BORCS8: variants seen among roughly 807,000 people sequenced by gnomAD.
BORCS8 encodes BLOC-1 related complex subunit 8.
BORCS8 carries 13 observed loss-of-function variants against 18.7 expected under a neutral mutation model. The ratio of observed to expected loss-of-function variants is 0.70; its 90% confidence interval spans 0.45 to 1.11. The LOEUF (loss-of-function observed/expected upper bound fraction) is 1.11, where lower values mean the gene tolerates loss of function less well. Among genes scored for constraint, BORCS8 ranks in the 50% least tolerant of loss-of-function variants. BORCS8 has a pLI of 0.00. For synonymous variants in BORCS8, 68 were observed against 64.8 expected, an observed-to-expected ratio of 1.05 and a Z score of -0.24; for missense variants, 165 against 165.7, an observed-to-expected ratio of 1.00 and a Z score of 0.02.
chr19:19,187,060 C>G (rs2060416485), intron 1 of BORCS8, 55 bp from the exon 2 acceptor site: 1 of 1,375,882 alleles, frequency 7.3e-7, no homozygotes, highest in Admixed American at 2.1e-5. Context: ...CGTCAGCCTC[C>G]TCATTGCTCA....
intron 3 of BORCS8, among the ~76,000 whole-genome samples, chr19:19,184,214 G>A (rs796370501): frequency 2.6e-5 from 4 of 151,444 alleles, no homozygotes; most frequent in African/African-American, 9.7e-5. Flanking sequence ...AGTGTGCTTA[G>A]CCACCCATGG....
intron 1 of BORCS8, among the ~76,000 whole-genome samples, chr19:19,190,498 G>C (rs1402142180): frequency 1.3e-5 from 2 of 152,144 alleles, no homozygotes; most frequent in African/African-American, 4.8e-5. Flanking sequence ...CTTTGAATGT[G>C]AGCATAACGG....
chr19:19,181,991 G>C (rs1477657925), intron 4 of BORCS8: 2 of 985,316 alleles, frequency 2.0e-6, no homozygotes, highest in Non-Finnish European at 2.4e-6. Flanking sequence ...TTCGTTTTCA[G>C]ACCCCTGGTC....
chr19:19,183,441 A>G (rs2060370916), intron 3 of BORCS8, among the ~76,000 whole-genome samples: 6 of 151,696 alleles, frequency 4.0e-5, no homozygotes. Context: ...ATTTCACTAC[A>G]GACAAATGTT....
At chr19:19,186,207 A>C in intron 2 of BORCS8, 109 bp from the exon 3 acceptor site, 1 of 1,041,114 alleles carries the variant, frequency 9.6e-7, no homozygotes, top group Non-Finnish European at 1.4e-6. Flanking sequence ...GTGGAAGCAG[A>C]GACCTTTCCT....
rs532371796 is a variant in BORCS8 at position 19,182,196 on chromosome 19, G to C, written c.326+377C>G. ...CCACATGGAACTCCGTCTGCCCCCGGATCGTCTCTGTCTGCATGTAACTCA... is the reference window on the plus strand; with the variant it reads ...CCACATGGAACTCCGTCTGCCCCCGCATCGTCTCTGTCTGCATGTAACTCA... On this transcript the variant is annotated intron_variant, in intron 4 of 5. Coordinates refer to ENST00000462790, the MANE Select transcript of BORCS8 (RefSeq NM_001145784.2). This position sits in a 1 kb window ranked among gnomAD's most constrained non-coding sequence, Gnocchi z 4.1. The C allele has an allele frequency of 1.9e-4, 79 of 423,468 alleles. No individual in the cohort carries two copies. The highest frequency in any genetic ancestry group is 8.8e-4 in the Admixed American group (15 of 17,078). The allele number at this position is 423,468 out of a possible 1,614,324, so 26.2% of individuals were successfully genotyped here.
rs2060356798 is a variant in BORCS8, at chr19:19,182,276, CTT to C, written c.326+295_326+296del. ...TTCTTCACAGCGCATCTGACATGCT[CTT>C]GTCTGCCATGTTTACCTGGTTGTCG... On this transcript the variant is annotated intron_variant, in intron 4 of 5. Coordinates refer to ENST00000462790, the MANE Select transcript of BORCS8 (RefSeq NM_001145784.2). The surrounding 1 kb of genome is among the most constrained non-coding windows in gnomAD (Gnocchi z 4.1). The C allele has an allele frequency of 1.2e-5, 7 of 595,228 alleles. No individual in the cohort carries two copies. Among genetic ancestry groups the C allele is most frequent in the Admixed American group, 4.1e-5 (1 of 24,602 alleles). The allele number at this position is 595,228 out of a possible 1,614,324, so 36.9% of individuals were successfully genotyped here.
rs748324832 is a variant in BORCS8, at chr19:19,183,409, CA to C, written c.216-727del. Among the ~76,000 whole-genome samples the C allele has an allele frequency of 5.1e-3, 591 of 115,924 alleles. 4 individuals carry two copies. The highest frequency in any genetic ancestry group is 0.012 in the African/African-American group (384 of 31,460). 76.1% of individuals were successfully genotyped at this position (115,924 alleles called of 152,430 possible). A position where few individuals can be genotyped will look rare whatever the true frequency, so the allele number is the denominator to read the frequency against. On this transcript the variant is annotated intron_variant, in intron 3 of 5. Coordinates refer to ENST00000462790, the MANE Select transcript of BORCS8 (RefSeq NM_001145784.2). ...TGGGCGACAGAGCGAGACTCCGTCT[CA>C]AAAAAAAAAAAAAAATATACATTTC...
chr19:19,189,852 G>A (rs1406638883), intron 1 of BORCS8, among the ~76,000 whole-genome samples: 1 of 152,130 alleles, frequency 6.6e-6, no homozygotes, highest in African/African-American at 2.4e-5. Flanking sequence ...GACAAGTGGA[G>A]GCTGCAGTGA....
At chr19:19,181,157 T>C (rs1486204278) in intron 4 of BORCS8, among the ~76,000 whole-genome samples, 1 of 148,220 alleles carries the variant, frequency 6.7e-6, no homozygotes, top group African/African-American at 2.5e-5. Context: ...ATCGCACCAG[T>C]GCACTCTAGC....
intron 5 of BORCS8, 107 bp downstream of exon 5, chr19:19,180,579 G>GAGA (rs1389009890): frequency 2.0e-5 from 16 of 792,532 alleles, no homozygotes; most frequent in Non-Finnish European, 3.0e-5. Context: ...CAAGCCCAGT[G>GAGA]AGAAACCCCA....
chr19:19,187,205 G>A (rs1200698599), intron 1 of BORCS8, among the ~76,000 whole-genome samples, 200 bp from the exon 2 acceptor site: 7 of 152,272 alleles, frequency 4.6e-5, no homozygotes, highest in Non-Finnish European at 8.8e-5. Context: ...GACCGGGTGC[G>A]GTGGCTCACG....
At chr19:19,184,528 T>G (rs868621871) in intron 3 of BORCS8, among the ~76,000 whole-genome samples, 23 of 151,742 alleles carry the variant, frequency 1.5e-4, no homozygotes, top group Admixed American at 4.6e-4. Flanking sequence ...GGTCTCGATC[T>G]CCTGAGCTCA....
At chr19:19,180,597 A>T in intron 5 of BORCS8, 89 bp downstream of exon 5, 1 of 900,150 alleles carries the variant, frequency 1.1e-6, no homozygotes, top group Non-Finnish European at 1.8e-6. Flanking sequence ...CCAAGTGGTT[A>T]GACAAGCAGG....
At chr19:19,189,913 T>C (rs2060449018) in intron 1 of BORCS8, among the ~76,000 whole-genome samples, 1 of 142,938 alleles carries the variant, frequency 7.0e-6, no homozygotes, top group Admixed American at 7.2e-5. Flanking sequence ...TGAGACTCTG[T>C]CCCAAAAAAA....
intron 1 of BORCS8, among the ~76,000 whole-genome samples, chr19:19,189,301 C>T (rs993041396): frequency 2.0e-5 from 3 of 152,272 alleles, no homozygotes; most frequent in East Asian, 1.9e-4. Context: ...CCAGGCACAG[C>T]GAGGCACGGC....
chr19:19,189,448 T>C (rs1490199424), intron 1 of BORCS8, among the ~76,000 whole-genome samples: 1 of 152,154 alleles, frequency 6.6e-6, no homozygotes, highest in African/African-American at 2.4e-5. Flanking sequence ...TGCTTTAAAC[T>C]CTTCCATAGC....
chr19:19,185,928 C>T, intron 3 of BORCS8, 106 bp downstream of exon 3: 1 of 1,176,898 alleles, frequency 8.5e-7, no homozygotes, highest in Non-Finnish European at 1.2e-6. Context: ...CTCGGGTAGG[C>T]CTGGCAGGGT....
Position 19,186,118 on chromosome 19 carries a change from T to C in BORCS8, c.151-20A>G, listed in dbSNP as rs1212356777. The C allele has an allele frequency of 6.4e-7, 1 of 1,551,358 alleles. No homozygotes were observed. Among genetic ancestry groups the C allele is most frequent in the Non-Finnish European group, 8.7e-7 (1 of 1,146,894 alleles). On this transcript the variant is annotated intron_variant, in intron 2 of 5. Coordinates refer to ENST00000462790, the MANE Select transcript of BORCS8 (RefSeq NM_001145784.2). ...GTCTGCCTGTAGGGGGCGCAGGAGA[T>C]ATTTGGCAAGGGAGGCCACCCCCAC...
Sources: gnomAD v4.1 joint callset for allele counts (sites outside exome capture counted in the v4.1 genomes callset) on GRCh38, gnomAD v4.1.1 for gene constraint, Gnocchi (gnomAD v3.1) non-coding constraint, MANE v1.5 for transcripts, NCBI Gene and HGNC (gene_info 2026-07-23, HGNC 2026-07-21) for gene names.